The following FER variants were observed in gnomAD, a reference collection of about 807,000 sequenced individuals.
The protein encoded by FER is FER tyrosine kinase.
FER carries 63 observed loss-of-function variants against 111.0 expected under a neutral mutation model. That is an observed-to-expected ratio of 0.57 (90% confidence interval 0.46 to 0.70). FER has a LOEUF of 0.70. FER is among the 30% of genes least tolerant of loss of function. The pLI is 0.00. For synonymous variants in FER, 327 were observed against 313.9 expected (o/e 1.04, Z -0.44); for missense variants, 914 against 954.0 (o/e 0.96, Z 0.55).
intron 9 of FER, among the ~76,000 whole-genome samples, chr5:108,892,490 C>T (rs1419405569): frequency 6.6e-6 from 1 of 152,128 alleles, no homozygotes; most frequent in African/African-American, 2.4e-5. Flanking sequence ...TGTTCATATC[C>T]TTCACCCCCT....
At chr5:108,956,645 TTAAAGA>T (rs765693804) in intron 12 of FER, among the ~76,000 whole-genome samples, 4 of 151,678 alleles carry the variant, frequency 2.6e-5, no homozygotes, top group Non-Finnish European at 5.9e-5. Flanking sequence ...AATATCTCTG[TTAAAGA>T]TGAGAACATT....
chr5:108,851,567 AAAAC>A (rs746551470), intron 5 of FER, among the ~76,000 whole-genome samples: 12 of 152,190 alleles, frequency 7.9e-5, no homozygotes, highest in Non-Finnish European at 1.6e-4. Context: ...AAAAAAAACA[AAAAC>A]AAAAATTAAG....
chr5:108,931,391 A>C (rs2149584094), intron 10 of FER, among the ~76,000 whole-genome samples: 1 of 152,296 alleles, frequency 6.6e-6, no homozygotes, highest in Non-Finnish European at 1.5e-5. Context: ...GATTTAATAA[A>C]CTTATGTCAC....
At chr5:108,965,120 T>C (rs980778190) in intron 13 of FER, among the ~76,000 whole-genome samples, 5 of 152,200 alleles carry the variant, frequency 3.3e-5, no homozygotes, top group African/African-American at 1.2e-4. Flanking sequence ...TTTAAATCAA[T>C]TAATTAGGTC....
intron 16 of FER, among the ~76,000 whole-genome samples, chr5:109,100,088 C>T (rs1253192901): frequency 6.6e-6 from 1 of 151,582 alleles, no homozygotes; most frequent in Non-Finnish European, 1.5e-5. Flanking sequence ...TTTAGTGAAG[C>T]AAATTGGTAA....
intron 5 of FER, among the ~76,000 whole-genome samples, chr5:108,845,729 A>G (rs1010249096): frequency 5.9e-5 from 9 of 152,256 alleles, no homozygotes; most frequent in Non-Finnish European, 1.3e-4. Flanking sequence ...GCATTTATTT[A>G]GTCTCTCACC....
chr5:109,161,103 A>T (rs1447282244), intron 17 of FER, among the ~76,000 whole-genome samples: 1 of 152,170 alleles, frequency 6.6e-6, no homozygotes, highest in Non-Finnish European at 1.5e-5. Flanking sequence ...AATAGGAGCA[A>T]TGGCTTAAAG....
intron 13 of FER, among the ~76,000 whole-genome samples, chr5:108,986,803 A>G (rs1325907266): frequency 6.6e-6 from 1 of 152,132 alleles, no homozygotes; most frequent in South Asian, 2.1e-4. Context: ...CCATTGGTCT[A>G]TGCCTACTTT....
At chr5:109,065,585 G>T (rs1288735008) in intron 16 of FER, among the ~76,000 whole-genome samples, 1 of 152,130 alleles carries the variant, frequency 6.6e-6, no homozygotes, top group Non-Finnish European at 1.5e-5. Flanking sequence ...AGCTGAGCTT[G>T]GTGGCTCATC....
intron 17 of FER, among the ~76,000 whole-genome samples, chr5:109,145,849 G>A (rs1754037793): frequency 6.6e-6 from 1 of 151,550 alleles, no homozygotes; most frequent in Non-Finnish European, 1.5e-5. Flanking sequence ...AAGGCCTTGA[G>A]TAGATGTGCT....
chr5:109,088,391 G>C (rs1273624766), intron 16 of FER, among the ~76,000 whole-genome samples: 1 of 152,036 alleles, frequency 6.6e-6, no homozygotes. Flanking sequence ...TTTTTAAAAA[G>C]ATGGAATGTT....
At chr5:108,915,668 A>G (rs1581183315) in intron 10 of FER, among the ~76,000 whole-genome samples, 2 of 150,002 alleles carry the variant, frequency 1.3e-5, no homozygotes, top group East Asian at 3.9e-4. Flanking sequence ...TCTCTCCCCC[A>G]GTTTTTTGTT....
chr5:108,971,090 C>T (rs547975878), intron 13 of FER, among the ~76,000 whole-genome samples: 3 of 151,804 alleles, frequency 2.0e-5, no homozygotes, highest in African/African-American at 7.3e-5. Context: ...CATTGGCACA[C>T]TTAACAGAAA....
chr5:108,973,090 T>G (rs73211557), intron 13 of FER, among the ~76,000 whole-genome samples: 12,318 of 152,176 alleles, frequency 0.081, 1,227 homozygotes, highest in African/African-American at 0.24. Flanking sequence ...CTCTCTGATA[T>G]TAAAGTGGTG....
chr5:108,898,587 TCCCCTCCCTTCCCCTCCCCTTTCC>T, intron 10 of FER, among the ~76,000 whole-genome samples: 1 of 93,084 alleles, frequency 1.1e-5, no homozygotes, highest in Non-Finnish European at 2.1e-5. Context: ...TCCCCTCCCC[TCCCCTCCCTTCCCCTCCCCTTTCC>T]TTCCTTCCTT....
chr5:108,760,521 C>T (rs1301491891), intron 1 of FER, among the ~76,000 whole-genome samples: 2 of 152,210 alleles, frequency 1.3e-5, no homozygotes, highest in African/African-American at 2.4e-5. Flanking sequence ...CCAAATTCAT[C>T]AGTGATCTTG....
At chr5:108,832,992 C>T in intron 4 of FER, 49 bp downstream of exon 4, 1 of 1,482,160 alleles carries the variant, frequency 6.7e-7, no homozygotes, top group Non-Finnish European at 9.1e-7. Context: ...TTTCCAAATT[C>T]ACAGAAATAT....
At chr5:109,143,519 C>T (rs1753741734) in intron 17 of FER, among the ~76,000 whole-genome samples, 1 of 151,940 alleles carries the variant, frequency 6.6e-6, no homozygotes. Context: ...TCAGAGATCT[C>T]CTCCCTTTTT....
intron 16 of FER, among the ~76,000 whole-genome samples, chr5:109,075,036 A>C (rs570606658): frequency 6.6e-6 from 1 of 152,338 alleles, no homozygotes; most frequent in East Asian, 1.9e-4. Context: ...TAATAAAATC[A>C]GTTTTTAAGC....
Sources: gnomAD v4.1 joint callset for allele counts (sites outside exome capture counted in the v4.1 genomes callset) on GRCh38, gnomAD v4.1.1 for gene constraint, MANE v1.5 for transcripts, NCBI Gene and HGNC (gene_info 2026-07-23, HGNC 2026-07-21) for gene names.